LPIN1: variants seen among roughly 807,000 people sequenced by gnomAD.
The protein encoded by LPIN1 is lipin 1.
LPIN1 carries 71 observed loss-of-function variants against 107.5 expected under a neutral mutation model. That is an observed-to-expected ratio of 0.66 (90% confidence interval 0.55 to 0.80). LPIN1 has a LOEUF of 0.80. Ranked by LOEUF, LPIN1 falls within the 30% of genes least tolerant of loss-of-function variation. The pLI, the probability that LPIN1 is intolerant of heterozygous loss-of-function variation, is 0.00. For missense variants in LPIN1, 1,043 were observed against 1,160.6 expected (o/e 0.90, Z 1.47); for synonymous variants, 445 against 452.6 (o/e 0.98, Z 0.21).
chr2:11,804,705 A>G, intron 16 of LPIN1, 134 bp downstream of exon 16: 1 of 906,222 alleles, frequency 1.1e-6, no homozygotes, highest in Non-Finnish European at 1.8e-6. Flanking sequence ...GGAGCTCCTT[A>G]CGTAGTTTCA....
intron 1 of LPIN1, among the ~76,000 whole-genome samples, chr2:11,759,195 T>G: frequency 6.7e-6 from 1 of 149,684 alleles, no homozygotes; most frequent in African/African-American, 2.5e-5. Context: ...CTTTCTTTTC[T>G]TTCTTTCTTT....
Position 11,786,530 on chromosome 2 carries a change from A to C in LPIN1, c.1550-544A>C, listed in dbSNP as rs79467966. Among the ~76,000 whole-genome samples, 41 of 152,260 alleles carry C rather than the reference A, an allele frequency of 2.7e-4. 1 individual carries two copies. In the East Asian group the frequency reaches 7.9e-3, roughly 30 times the overall value. On this transcript the variant is annotated intron_variant, in intron 10 of 20. Coordinates refer to ENST00000674199, the MANE Select transcript of LPIN1 (RefSeq NM_001349206.2). The surrounding 1 kb of genome is among the most constrained non-coding windows in gnomAD (Gnocchi z 4.1). Reference sequence around the variant, plus strand: ...GGGGCTGCCCCACCATGATGAGAACAGTGCCCTGCCTGCTTCTGATTGTGG... The same window carrying C: ...GGGGCTGCCCCACCATGATGAGAACCGTGCCCTGCCTGCTTCTGATTGTGG...
Position 11,767,800 on chromosome 2 carries a change from A to G in LPIN1, c.230A>G (p.His77Arg), listed in dbSNP as rs769976876. The change falls in exon 3 of 21, where the codon CAT (histidine) becomes CGT (arginine). Residue 77 changes from histidine to arginine, a missense_variant. By Grantham distance (29) the His-to-Arg change is conservative. Transcript: ENST00000674199. Reference sequence around the variant, plus strand: ...ATCAATGGGGAATCTGTGGATTTGCATATGAAATTGGGAGATAATGGAGAA... The same window carrying G: ...ATCAATGGGGAATCTGTGGATTTGCGTATGAAATTGGGAGATAATGGAGAA... ...IEINGESVDLHMKLGDNGEAF... is the reference protein window; with the variant it reads ...IEINGESVDLRMKLGDNGEAF... 2 of 1,613,066 alleles carry G rather than the reference A, an allele frequency of 1.2e-6. No individual in the cohort carries two copies. Among genetic ancestry groups the G allele is most frequent in the East Asian group, 2.2e-5 (1 of 44,870 alleles).
intron 1 of LPIN1, among the ~76,000 whole-genome samples, chr2:11,685,254 G>A (rs1404110548): frequency 6.6e-6 from 1 of 152,242 alleles, no homozygotes; most frequent in Non-Finnish European, 1.5e-5. Flanking sequence ...AGTGTGGCCA[G>A]AGCTGAGAGG....
In LPIN1 at chr2:11,776,071, C is replaced by T. The variant is rs979536049; in HGVS notation, c.723-15C>T. 4.8e-5 allele frequency: 71 copies of T among 1,487,400 alleles called. No homozygotes were observed. Among genetic ancestry groups the T allele is most frequent in the Non-Finnish European group, 5.7e-5 (62 of 1,092,694 alleles). 92.1% of individuals were successfully genotyped at this position (1,487,400 alleles called of 1,614,324 possible). A position where few individuals can be genotyped will look rare whatever the true frequency, so the allele number is the denominator to read the frequency against. The stretch of plus-strand genomic sequence containing the variant: ...TTTGTCTTTCTTTTAATGTGTATCA[C>T]GTGGTGGTATCCAGTAGCCTGGTAG... On this transcript the variant is annotated splice_polypyrimidine_tract_variant and intron_variant, in intron 5 of 20. Coordinates refer to ENST00000674199, the MANE Select transcript of LPIN1 (RefSeq NM_001349206.2).
chr2:11,736,701 A>G lies in LPIN1; in HGVS notation c.-71-4648A>G, dbSNP rs557245929. 1.7e-3 allele frequency among the ~76,000 whole-genome samples: 258 copies of G among 152,352 alleles called. 1 individual carries two copies. The highest frequency in any genetic ancestry group is 3.4e-3 in the Middle Eastern group (1 of 294). On this transcript the variant is annotated intron_variant, in intron 1 of 21. Coordinates refer to the LPIN1 transcript ENST00000396097. ...ACCTTGCCAATGATTGAAATACTAG[A>G]AATTTAGAAATATCCATTGCAGTCA... is the stretch of plus-strand genomic sequence containing the variant.
At chr2:11,747,721 A>G (rs1667176505) in intron 1 of LPIN1, among the ~76,000 whole-genome samples, 1 of 152,260 alleles carries the variant, frequency 6.6e-6, no homozygotes, top group Non-Finnish European at 1.5e-5. Context: ...AAATAAGCAC[A>G]TCCACACATG....
chr2:11,720,406 G>C (rs1308266128), upstream of LPIN1, among the ~76,000 whole-genome samples: 2 of 152,106 alleles, frequency 1.3e-5, no homozygotes, highest in Non-Finnish European at 2.9e-5. Context: ...CTGCTGGGAA[G>C]TAATTCTACA....
intron 20 of LPIN1, among the ~76,000 whole-genome samples, chr2:11,821,624 A>G (rs2148736324): frequency 6.6e-6 from 1 of 152,296 alleles, no homozygotes; most frequent in Admixed American, 6.5e-5. Context: ...ATTCCTAAGG[A>G]TTGGTTTTCT....
At chr2:11,787,722 A>C (rs1459200511) in intron 11 of LPIN1, among the ~76,000 whole-genome samples, 1 of 151,912 alleles carries the variant, frequency 6.6e-6, no homozygotes, top group Non-Finnish European at 1.5e-5. Context: ...CAGGCGGATC[A>C]TGAGGTCAGG....
At position 11,697,391 on chromosome 2, in the gene LPIN1, G is replaced by T. The variant is rs1244258730; in HGVS notation, c.82-16365G>T. On this transcript the variant is annotated intron_variant, in intron 1 of 21. Transcript: ENST00000449576. The surrounding 1 kb of genome is among the most constrained non-coding windows in gnomAD (Gnocchi z 4.6). ...TCCTGGTGGCCTGTGGCCAGTGCAG[G>T]AGGAACAGGAAGCAGCCCCCGTGGG... 6.6e-6 allele frequency among the ~76,000 whole-genome samples: 1 copy of T among 152,248 alleles called. No individual in the cohort carries two copies. The highest frequency in any genetic ancestry group is 2.4e-5 in the African/African-American group (1 of 41,472).
In LPIN1 at chr2:11,782,889, A is replaced by G. The variant is rs1673813477; in HGVS notation, c.1264+382A>G. On this transcript the variant is annotated intron_variant, in intron 8 of 20. Transcript: ENST00000674199. ...TGCTTTCCAGCCCCTTACCCACTGT[A>G]ATTTCTGCATATCATTTATCATGAT... is the stretch of plus-strand genomic sequence containing the variant. 2.0e-5 allele frequency among the ~76,000 whole-genome samples: 3 copies of G among 152,106 alleles called. No homozygotes were observed. In the South Asian group the frequency reaches 6.2e-4, roughly 32 times the overall value.
intron 17 of LPIN1, among the ~76,000 whole-genome samples, chr2:11,814,693 G>A (rs977147992): frequency 2.6e-5 from 4 of 152,182 alleles, no homozygotes; most frequent in African/African-American, 9.7e-5. Context: ...CAAAGTGTGT[G>A]AATTGGCAGG....
At chr2:11,792,779 G>A (rs1202963581) in intron 13 of LPIN1, among the ~76,000 whole-genome samples, 2 of 152,154 alleles carry the variant, frequency 1.3e-5, no homozygotes, top group African/African-American at 2.4e-5. Flanking sequence ...TGGCTTTGGC[G>A]TTCATGTCTA....
intron 18 of LPIN1, chr2:11,816,550 G>T (rs1680606867): frequency 6.6e-6 from 1 of 152,072 alleles, no homozygotes; most frequent in Admixed American, 6.5e-5. Flanking sequence ...TCCCTGGGAG[G>T]AATTATTTTA....
chr2:11,808,558 C>T (rs952931878), intron 17 of LPIN1, among the ~76,000 whole-genome samples: 1 of 152,264 alleles, frequency 6.6e-6, no homozygotes, highest in East Asian at 1.9e-4. Flanking sequence ...ATTTTATGCA[C>T]TGTAGTATTT....
At chr2:11,677,743 T>C (rs770268958) in intron 1 of LPIN1, 70 of 1,532,290 alleles carry the variant, frequency 4.6e-5, no homozygotes, top group Non-Finnish European at 6.0e-5. Flanking sequence ...GGGCCGGCCA[T>C]GTGGCCATCT....
intron 3 of LPIN1, among the ~76,000 whole-genome samples, chr2:11,769,088 G>A (rs1671449832): frequency 6.6e-6 from 1 of 152,242 alleles, no homozygotes; most frequent in South Asian, 2.1e-4. Flanking sequence ...TACATACCTA[G>A]GAATGGCATT....
chr2:11,752,334 A>T (rs1033818868), intron 1 of LPIN1, among the ~76,000 whole-genome samples: 6 of 151,960 alleles, frequency 3.9e-5, no homozygotes, highest in Admixed American at 2.6e-4. Flanking sequence ...CTGTATCTTT[A>T]ATTATGAATG....
Sources: gnomAD v4.1 joint callset for allele counts (sites outside exome capture counted in the v4.1 genomes callset) on GRCh38, gnomAD v4.1.1 for gene constraint, Gnocchi (gnomAD v3.1) non-coding constraint, MANE v1.5 for transcripts, NCBI Gene and HGNC (gene_info 2026-07-23, HGNC 2026-07-21) for gene names.